Variants in PRSS54 observed in about 807,000 individuals in gnomAD.
PRSS54 encodes serine protease 54.
A neutral mutation model predicts 19.9 loss-of-function variants in PRSS54; 16 were observed. The observed-to-expected ratio is 0.80, with a 90% CI of 0.54 to 1.22. PRSS54 has a LOEUF of 1.22. Among genes scored for constraint, PRSS54 ranks in the 50% most tolerant of loss-of-function variants. The pLI, the probability that PRSS54 is intolerant of heterozygous loss-of-function variation, is 0.00. For missense variants in PRSS54, 444 were observed against 494.8 expected, an observed-to-expected ratio of 0.90 and a Z score of 0.97; for synonymous variants, 177 against 195.8, an observed-to-expected ratio of 0.90 and a Z score of 0.80.
intron 4 of PRSS54, among the ~76,000 whole-genome samples, chr16:58,287,863 G>A (rs574758495): frequency 1.3e-5 from 2 of 152,194 alleles, no homozygotes; most frequent in Non-Finnish European, 2.9e-5. Flanking sequence ...CATTACAGGT[G>A]TGAGTTATTG....
At chr16:58,287,070 G>A (rs72786166) in intron 4 of PRSS54, among the ~76,000 whole-genome samples, 15,689 of 152,096 alleles carry the variant, frequency 0.1, 891 homozygotes, top group Admixed American at 0.13. Flanking sequence ...GGCCGTCACA[G>A]GAGAACCAGC....
intron 4 of PRSS54, among the ~76,000 whole-genome samples, chr16:58,289,973 C>CAATTATA (rs1965001325): frequency 6.6e-6 from 1 of 151,722 alleles, no homozygotes; most frequent in Non-Finnish European, 1.5e-5. Flanking sequence ...TTTATTTAGC[C>CAATTATA]AATTATAGTC....
At position 58,285,988 on chromosome 16, in the gene PRSS54, T is replaced by A. The variant is rs1964912099; in HGVS notation, c.471A>T (p.Thr157=). ...SICFLGRMLH[T]PPVLQNCWVS... is the part of the protein sequence containing the mutation. ...CCCAGCAGTTCTGCAAGACTGGTGG[T>A]GTATGCAGCATTCTGCCGAGGAAGC... The change falls in exon 5 of 7, where the codon ACA becomes ACT. Residue 157 remains threonine (T), a synonymous_variant. Transcript: ENST00000567164. 1 of 1,614,008 alleles carries A rather than the reference T, an allele frequency of 6.2e-7. No homozygotes were observed. Among genetic ancestry groups the A allele is most frequent in the African/African-American group, 1.3e-5 (1 of 74,898 alleles).
chr16:58,287,792 G>T (rs1964950694), intron 4 of PRSS54, among the ~76,000 whole-genome samples: 1 of 152,150 alleles, frequency 6.6e-6, no homozygotes, highest in Non-Finnish European at 1.5e-5. Context: ...TGGACATCCA[G>T]ACTAACAAAG....
chr16:58,284,285 T>A (rs1964857822), intron 6 of PRSS54: 1 of 306,882 alleles, frequency 3.3e-6, no homozygotes, highest in Non-Finnish European at 6.4e-6. Flanking sequence ...ACTGTAGACC[T>A]GCTCAAAGCA....
At chr16:58,285,858 A>G in intron 5 of PRSS54, 79 bp downstream of exon 5, 1 of 1,513,942 alleles carries the variant, frequency 6.6e-7, no homozygotes. Context: ...AAATTAAGAT[A>G]GGCCCTAGAT....
intron 6 of PRSS54, chr16:58,282,082 C>G (rs984470723): frequency 6.7e-6 from 1 of 149,868 alleles, no homozygotes; most frequent in Admixed American, 6.7e-5. Context: ...GATCTCGGCT[C>G]GCTGCAACCT....
At position 58,291,113 on chromosome 16, in the gene PRSS54, C is replaced by T. The variant is rs1372652352; in HGVS notation, c.109G>A (p.Val37Ile). 1.5e-5 allele frequency: 25 copies of T among 1,614,080 alleles called. No individual in the cohort carries two copies. The highest frequency in any genetic ancestry group is 2.0e-5 in the Non-Finnish European group (24 of 1,180,008). The change falls in exon 4 of 7, where the codon GTT becomes ATT. Residue 37 changes from valine (V) to isoleucine (I), a missense_variant. Physicochemically the swap from Val to Ile is conservative, Grantham distance 29. Coordinates refer to ENST00000567164, the MANE Select transcript of PRSS54 (RefSeq NM_001305173.2). The stretch of plus-strand genomic sequence containing the variant: ...TCCTTGGGGTCAGGACCGTAGAAAA[C>T]GGAAGCTTTCTGGACGCCACAACCT... ...STSCGVQKAS[V>I]FYGPDPKEGL... is the part of the protein sequence containing the mutation.
chr16:58,293,884 C>T (rs1005443366), intron 2 of PRSS54, 62 bp from the exon 3 acceptor site: 87 of 1,357,448 alleles, frequency 6.4e-5, no homozygotes, highest in Non-Finnish European at 7.1e-5. Context: ...TTTTCTATGC[C>T]TCTTTTTTCC....
At position 58,285,744 on chromosome 16, in the gene PRSS54, A is replaced by AAAAAAAAAGAAG. The variant is rs146167626; in HGVS notation, c.522+192_522+193insCTTCTTTTTTTT. Among the ~76,000 whole-genome samples, 245 of 77,328 alleles carry AAAAAAAAAGAAG rather than the reference A, an allele frequency of 3.2e-3. 2 individuals carry two copies. Among genetic ancestry groups the AAAAAAAAAGAAG allele is most frequent in the Non-Finnish European group, 3.9e-3 (170 of 43,344 alleles). The allele number at this position is 77,328 out of a possible 152,430, so 50.7% of individuals were successfully genotyped here. On this transcript the variant is annotated intron_variant, in intron 5 of 6. Transcript: ENST00000567164. ...GTCTCAAAAAAAAAAAAAAAAAAAA[A>AAAAAAAAAGAAG]AAGAAGAAGAAGAAGAAGAGTGGCT...
intron 3 of PRSS54, among the ~76,000 whole-genome samples, chr16:58,291,802 A>C (rs1449059183): frequency 3.3e-5 from 5 of 152,170 alleles, no homozygotes; most frequent in African/African-American, 1.2e-4. Context: ...TTTTCATAAG[A>C]ATGTGAAGAC....
chr16:58,291,242 TTTC>T, intron 3 of PRSS54, 106 bp from the exon 4 acceptor site: 1 of 1,042,088 alleles, frequency 9.6e-7, no homozygotes, highest in South Asian at 1.6e-5. Context: ...CGCAACCCCT[TTTC>T]TTTCTTTTGC....
At chr16:58,290,936 G>A (rs759329827) in intron 4 of PRSS54, 23 bp downstream of exon 4, 3 of 1,611,336 alleles carry the variant, frequency 1.9e-6, no homozygotes, top group South Asian at 1.1e-5. Context: ...GATGTTGCGG[G>A]CCCCAAAGGC....
At position 58,291,061 on chromosome 16, in the gene PRSS54, G is replaced by A. The variant is rs754108073; in HGVS notation, c.161C>T (p.Pro54Leu). 1 of 1,614,130 alleles carries A rather than the reference G, an allele frequency of 6.2e-7. No individual in the cohort carries two copies. Among genetic ancestry groups the A allele is most frequent in the Non-Finnish European group, 8.5e-7 (1 of 1,180,032 alleles). The change falls in exon 4 of 7, where the codon CCG becomes CTG. Residue 54 changes from proline (P) to leucine (L), a missense_variant. Physicochemically the swap from Pro to Leu is moderately conservative, Grantham distance 98. Coordinates refer to ENST00000567164, the MANE Select transcript of PRSS54 (RefSeq NM_001305173.2). ...GGAGTCCTGCAGCGACACCACCCAC[G>A]GGAACTCCATGCTGCTGACCAAGCC... The part of the protein sequence containing the change: ...KEGLVSSMEF[P>L]WVVSLQDSQY...
Position 58,291,066 on chromosome 16 carries a change from C to T in PRSS54, c.156G>A (p.Glu52=), listed in dbSNP as rs1428678552. ...CCTGCAGCGACACCACCCACGGGAA[C>T]TCCATGCTGCTGACCAAGCCCTCCT... The part of the protein sequence containing the change: ...DPKEGLVSSM[E]FPWVVSLQDS... The change falls in exon 4 of 7, where the codon GAG becomes GAA. Residue 52 remains glutamate (E), a synonymous_variant. Coordinates refer to ENST00000567164, the MANE Select transcript of PRSS54 (RefSeq NM_001305173.2). 21 of 1,614,074 alleles carry T rather than the reference C, an allele frequency of 1.3e-5. No homozygotes were observed. The highest frequency in any genetic ancestry group is 1.7e-5 in the Non-Finnish European group (20 of 1,180,044).
chr16:58,294,137 T>C lies in PRSS54; in HGVS notation c.-159A>G. 6.3e-6 allele frequency: 2 copies of C among 316,478 alleles called. No homozygotes were observed. The allele number at this position is 316,478 out of a possible 1,614,324, so 19.6% of individuals were successfully genotyped here. ...CCAAGCCCCTGAGCACCCCAGAGAG[T>C]TGGGTCTCTGAAAAGGGCTGCTTTT... On this transcript the variant is annotated 5_prime_UTR_variant, in exon 2 of 7. Coordinates refer to ENST00000567164, the MANE Select transcript of PRSS54 (RefSeq NM_001305173.2).
chr16:58,293,465 C>A, intron 3 of PRSS54: 1 of 838,448 alleles, frequency 1.2e-6, no homozygotes, highest in Non-Finnish European at 1.4e-6. Context: ...AGGCCTCTTG[C>A]TCACCCCTGT....
In PRSS54 at chr16:58,294,055, G is replaced by A; in HGVS notation, c.-77C>T. 1 of 529,660 alleles carries A rather than the reference G, an allele frequency of 1.9e-6. No individual in the cohort carries two copies. Among genetic ancestry groups the A allele is most frequent in the Admixed American group, 3.2e-5 (1 of 31,666 alleles). The allele number at this position is 529,660 out of a possible 1,614,324, so 32.8% of individuals were successfully genotyped here. A position where few individuals can be genotyped will look rare whatever the true frequency, so the allele number is the denominator to read the frequency against. ...CCAGTTGGCCCGCACTGTGGTTTGTGAGATGGCCAGAGAAGAGAGGGCAGC... is the reference window on the plus strand; with the variant it reads ...CCAGTTGGCCCGCACTGTGGTTTGTAAGATGGCCAGAGAAGAGAGGGCAGC... On this transcript the variant is annotated 5_prime_UTR_variant, in exon 2 of 7. Transcript: ENST00000567164.
At chr16:58,284,243 G>T (rs1342614057) in intron 6 of PRSS54, among the ~76,000 whole-genome samples, 2 of 152,128 alleles carry the variant, frequency 1.3e-5, no homozygotes, top group Admixed American at 6.5e-5. Context: ...GGGGAGTCTA[G>T]GTTCCCTAGA....
Sources: gnomAD v4.1 joint callset for allele counts (sites outside exome capture counted in the v4.1 genomes callset) on GRCh38, gnomAD v4.1.1 for gene constraint, MANE v1.5 for transcripts, NCBI Gene and HGNC (gene_info 2026-07-23, HGNC 2026-07-21) for gene names.